Variants in SOX30 observed in about 807,000 individuals in gnomAD.
SOX30 encodes transcription factor SOX-30.
In SOX30, 17 loss-of-function variants were observed where a neutral mutation model predicts 58.6. The observed-to-expected ratio is 0.29, with a 90% confidence interval of 0.20 to 0.44. SOX30 has a LOEUF of 0.44. Ranked by LOEUF, SOX30 falls within the 20% of genes least tolerant of loss-of-function variation. The pLI is 1.00. For synonymous variants in SOX30, 421 were observed against 400.2 expected (o/e 1.05, Z -0.62); for missense variants, 951 against 965.8 (o/e 0.98, Z 0.20).
chr5:157,630,257 G>A (rs983987877), intron 4 of SOX30, among the ~76,000 whole-genome samples: 5 of 152,096 alleles, frequency 3.3e-5, no homozygotes, highest in African/African-American at 1.2e-4. Flanking sequence ...ATTTAAAACA[G>A]CTGATTTAAA....
intron 3 of SOX30, among the ~76,000 whole-genome samples, chr5:157,644,910 G>A (rs552274033): frequency 2.0e-5 from 3 of 152,144 alleles, no homozygotes; most frequent in East Asian, 3.8e-4. Flanking sequence ...GAACCCAGGC[G>A]TCAGAGGCTG....
Position 157,660,219 on chromosome 5 carries a change from T to C in SOX30, c.52+7579A>G, listed in dbSNP as rs892093863. Among the ~76,000 whole-genome samples, 6 of 152,318 alleles carry C rather than the reference T, an allele frequency of 3.9e-5. No homozygotes were observed. The East Asian group carries it at 1.2e-3, about 29-fold the overall frequency. ...AAGTATTGCTTGAGTCCAAGAATTT[T>C]AGACCGACATGGGCAACGTGGCAAA... On this transcript the variant is annotated intron_variant, in intron 2 of 5. Coordinates refer to the SOX30 transcript ENST00000519442.
chr5:157,658,575 A>G (rs753513069), intron 2 of SOX30, among the ~76,000 whole-genome samples: 18 of 152,192 alleles, frequency 1.2e-4, no homozygotes, highest in Non-Finnish European at 2.1e-4. Flanking sequence ...CCCTCGCCAT[A>G]CTGATGCTTT....
intron 3 of SOX30, among the ~76,000 whole-genome samples, chr5:157,639,507 C>T (rs1759012327): frequency 6.6e-6 from 1 of 152,038 alleles, no homozygotes; most frequent in South Asian, 2.1e-4. Flanking sequence ...CACATGTCAA[C>T]CACTGGTGAC....
rs780300884 is a variant in SOX30, at chr5:157,651,903, A to G, written c.176T>C (p.Val59Ala). The part of the protein sequence containing the change: ...ATLASSCGEA[V>A]ASGLQPAVRR... ...CACCGCGGGCTGTAAGCCGGACGCC[A>G]CTGCCTCCCCGCACGACGAGGCCAA... Residue 59 changes from valine to alanine, a missense_variant, in exon 1 of 5, where the codon GTG becomes GCG. Physicochemically the swap from Val to Ala is moderately conservative, Grantham distance 64 (BLOSUM62 0). Around this residue, in one of 7 missense-constraint regions of SOX30, gnomAD observed 363 missense variants for 294.5 expected, o/e 1.23. Transcript: ENST00000265007. 8.5e-6 allele frequency: 13 copies of G among 1,527,182 alleles called. No individual in the cohort carries two copies. The highest frequency in any genetic ancestry group is 1.1e-5 in the Non-Finnish European group (13 of 1,141,876). 94.6% of individuals were successfully genotyped at this position (1,527,182 alleles called of 1,614,324 possible). A position where few individuals can be genotyped will look rare whatever the true frequency, so the allele number is the denominator to read the frequency against.
rs1396615046 is a variant in SOX30 at position 157,646,676 on chromosome 5, C to A, written c.1348G>T (p.Val450Leu). Residue 450 changes from valine to leucine, a missense_variant, in exon 3 of 5, where the codon GTA (valine) becomes TTA (leucine). Transcript: ENST00000265007. ...YPYRSPTYSV[V>L]IPSLQNPITH... ...ATGGGATTCTGTAGGCTGGGAATTA[C>A]CACAGAGTACGTAGGTGAGCGGTAA... 6.2e-7 allele frequency: 1 copy of A among 1,613,062 alleles called. No individual in the cohort carries two copies. The highest frequency in any genetic ancestry group is 1.1e-5 in the South Asian group (1 of 90,870).
chr5:157,651,099 T>G lies in SOX30; in HGVS notation c.967+13A>C. On this transcript the variant is annotated intron_variant, in intron 1 of 4. Coordinates refer to ENST00000265007, the MANE Select transcript of SOX30 (RefSeq NM_178424.2). ...CGCAGTTTTGAAAACCCGACTCCCC[T>G]GCTGTCTAATACCTGCATCTGAGGG... is the stretch of plus-strand genomic sequence containing the variant. 1 of 1,513,978 alleles carries G rather than the reference T, an allele frequency of 6.6e-7. No homozygotes were observed. The highest frequency in any genetic ancestry group is 1.3e-5 in the South Asian group (1 of 75,562). The allele number at this position is 1,513,978 out of a possible 1,614,324, so 93.8% of individuals were successfully genotyped here.
intron 4 of SOX30, among the ~76,000 whole-genome samples, chr5:157,628,141 C>T (rs1161417746): frequency 6.6e-6 from 1 of 151,904 alleles, no homozygotes; most frequent in Non-Finnish European, 1.5e-5. Context: ...ATAGTGAGAC[C>T]CCCATCTCAA....
At chr5:157,640,517 C>A (rs1473737124) in intron 3 of SOX30, among the ~76,000 whole-genome samples, 1 of 152,082 alleles carries the variant, frequency 6.6e-6, no homozygotes, top group South Asian at 2.1e-4. Flanking sequence ...ACCACCAGAC[C>A]TTGCAGCACC....
chr5:157,652,273 T>A lies in SOX30; in HGVS notation c.-195A>T, dbSNP rs1759376428. 1.6e-6 allele frequency: 2 copies of A among 1,251,446 alleles called. No homozygotes were observed. Among genetic ancestry groups the A allele is most frequent in the Non-Finnish European group, 2.0e-6 (2 of 1,001,176 alleles). 77.5% of individuals were successfully genotyped at this position (1,251,446 alleles called of 1,614,324 possible). ...GTGGACGGCCAATCACAGGCGGGTT[T>A]TCCGGCTCTTCCTGGTCCCTACTCT... On this transcript the variant is annotated 5_prime_UTR_variant, in exon 1 of 5. Transcript: ENST00000265007.
At chr5:157,651,008 TC>T in intron 1 of SOX30, 103 bp downstream of exon 1, 1 of 861,496 alleles carries the variant, frequency 1.2e-6, no homozygotes, top group Non-Finnish European at 1.8e-6. Context: ...AACAATCAGT[TC>T]CATTACTTTA....
Position 157,638,504 on chromosome 5 carries a change from T to A in SOX30, c.1606A>T (p.Thr536Ser). 5.6e-6 allele frequency: 9 copies of A among 1,613,722 alleles called. No individual in the cohort carries two copies. The highest frequency in any genetic ancestry group is 7.6e-6 in the Non-Finnish European group (9 of 1,179,960). The change falls in exon 4 of 5, where the codon ACT (threonine) becomes TCT (serine). Residue 536 changes from threonine (T) to serine (S), a missense_variant. Transcript: ENST00000265007. ...TTGGCGCTCTCTAGAGAGACAGGAG[T>A]GGGTTGCTTCACAGTGTGAGTGGCT... ...SEATHTVKQP[T>S]PVSLESANRI...
chr5:157,630,954 G>GTA (rs1238109631), intron 4 of SOX30, among the ~76,000 whole-genome samples: 7 of 111,458 alleles, frequency 6.3e-5, no homozygotes, highest in Non-Finnish European at 1.1e-4. Flanking sequence ...TATATATATT[G>GTA]TATATATATA....
chr5:157,629,624 T>C (rs1223427941), intron 4 of SOX30, among the ~76,000 whole-genome samples: 1 of 152,192 alleles, frequency 6.6e-6, no homozygotes, highest in Non-Finnish European at 1.5e-5. Context: ...TTAATTAGAA[T>C]AGTCCAAATA....
intron 1 of SOX30, among the ~76,000 whole-genome samples, chr5:157,668,575 T>C (rs574193432): frequency 6.6e-6 from 1 of 152,082 alleles, no homozygotes; most frequent in Non-Finnish European, 1.5e-5. Flanking sequence ...CATCCGTCCA[T>C]CCATCCATCC....
chr5:157,630,941 T>C (rs1002961871), intron 4 of SOX30, among the ~76,000 whole-genome samples: 2 of 134,662 alleles, frequency 1.5e-5, no homozygotes, highest in African/African-American at 2.7e-5. Context: ...TATATATATA[T>C]ACTATATATA....
At chr5:157,639,419 T>G (rs535301058) in intron 3 of SOX30, among the ~76,000 whole-genome samples, 8 of 151,788 alleles carry the variant, frequency 5.3e-5, no homozygotes, top group Admixed American at 2.0e-4. Context: ...TGAAAAAAAC[T>G]TAAACAACAA....
At chr5:157,649,624 T>C (rs959433936) in intron 1 of SOX30, among the ~76,000 whole-genome samples, 2 of 152,028 alleles carry the variant, frequency 1.3e-5, no homozygotes, top group Admixed American at 1.3e-4. Context: ...ACCCCATCTC[T>C]ACTGAAAATA....
intron 4 of SOX30, among the ~76,000 whole-genome samples, chr5:157,633,223 CTGTTTT>C (rs1225610878): frequency 6.6e-6 from 1 of 152,032 alleles, no homozygotes; most frequent in African/African-American, 2.4e-5. Context: ...AGGGTTTTTT[CTGTTTT>C]TGTTTTTGTT....
Sources: gnomAD v4.1 joint callset for allele counts (sites outside exome capture counted in the v4.1 genomes callset) on GRCh38, gnomAD v4.1.1 for gene constraint, gnomAD v4.1.1 regional missense constraint, MANE v1.5 for transcripts, NCBI Gene and HGNC (gene_info 2026-07-23, HGNC 2026-07-21) for gene names.